Variants in KCNIP4 observed in about 807,000 individuals in gnomAD.
KCNIP4 encodes the protein potassium voltage-gated channel interacting protein 4, also known as Kv channel-interacting protein 4.
A neutral mutation model predicts 34.0 loss-of-function variants in KCNIP4; 12 were observed. The observed-to-expected ratio is 0.35, with a 90% confidence interval of 0.23 to 0.57. The LOEUF is 0.57. Among genes scored for constraint, KCNIP4 ranks in the 20% least tolerant of loss-of-function variants. The pLI, the probability that KCNIP4 is intolerant of heterozygous loss-of-function variation, is 0.83. For synonymous variants in KCNIP4, 124 were observed against 102.2 expected (o/e 1.21, Z -1.29); for missense variants, 238 against 311.7 (o/e 0.76, Z 1.78).
intron 1 of KCNIP4, among the ~76,000 whole-genome samples, chr4:21,529,973 CCACTATGTGGTAAA>C (rs951320325): frequency 1.3e-5 from 2 of 152,136 alleles, no homozygotes; most frequent in African/African-American, 4.8e-5. Context: ...TGTCATCATT[CCACTATGTGGTAAA>C]TAATAGCTAG....
At chr4:20,838,810 T>C (rs1275047312) in intron 3 of KCNIP4, among the ~76,000 whole-genome samples, 3 of 152,214 alleles carry the variant, frequency 2.0e-5, no homozygotes, top group Admixed American at 6.5e-5. Context: ...GGAGCTTTCT[T>C]ATAGGATTGT....
At chr4:21,377,642 T>C (rs1427216172) in intron 1 of KCNIP4, among the ~76,000 whole-genome samples, 1 of 152,214 alleles carries the variant, frequency 6.6e-6, no homozygotes, top group Non-Finnish European at 1.5e-5. Flanking sequence ...TTCTGCCTCA[T>C]TGCTGGTTGT....
At chr4:21,112,050 T>TATCTATCTATCTATCTATCTATCC (rs1442128634) in intron 1 of KCNIP4, among the ~76,000 whole-genome samples, 1,723 of 151,860 alleles carry the variant, frequency 0.011, 21 homozygotes, top group African/African-American at 0.022. Flanking sequence ...TCTATCTATC[T>TATCTATCTATCTATCTATCTATCC]ATCTATCTAT....
intron 1 of KCNIP4, among the ~76,000 whole-genome samples, chr4:21,310,650 G>C (rs1446036224): frequency 6.7e-6 from 1 of 150,154 alleles, no homozygotes; most frequent in African/African-American, 2.4e-5. Flanking sequence ...TTCTTTTTTT[G>C]AGACGGAATC....
intron 1 of KCNIP4, among the ~76,000 whole-genome samples, chr4:21,813,382 C>T (rs978634572): frequency 3.3e-5 from 5 of 152,084 alleles, no homozygotes; most frequent in African/African-American, 9.7e-5. Context: ...CTACCAACAA[C>T]ACAGAGAAAA....
intron 1 of KCNIP4, among the ~76,000 whole-genome samples, chr4:21,082,889 A>G (rs1401196378): frequency 2.0e-5 from 3 of 151,500 alleles, no homozygotes; most frequent in Non-Finnish European, 4.4e-5. Flanking sequence ...CTATCTATCT[A>G]TCTATCTATC....
chr4:21,213,750 T>C, intron 1 of KCNIP4, among the ~76,000 whole-genome samples: 1 of 152,290 alleles, frequency 6.6e-6, no homozygotes, highest in South Asian at 2.1e-4. Flanking sequence ...GTTTGGCCCA[T>C]GTATGGGCAA....
chr4:20,916,926 G>T (rs1728867412), intron 1 of KCNIP4, among the ~76,000 whole-genome samples: 1 of 141,940 alleles, frequency 7.0e-6, no homozygotes, highest in Admixed American at 7.3e-5. Context: ...CTCCCCTCCT[G>T]TCCTTTCCCT....
intron 1 of KCNIP4, among the ~76,000 whole-genome samples, chr4:21,243,771 A>G (rs1241836498): frequency 6.6e-6 from 1 of 152,220 alleles, no homozygotes; most frequent in Non-Finnish European, 1.5e-5. Flanking sequence ...TTGTCTGAGC[A>G]TAATATTACT....
intron 1 of KCNIP4, among the ~76,000 whole-genome samples, chr4:20,883,805 ATG>A (rs946559454): frequency 1.3e-5 from 2 of 152,150 alleles, no homozygotes; most frequent in African/African-American, 4.8e-5. Context: ...GCTAAAACTC[ATG>A]TGTGTGTGTA....
chr4:21,468,351 G>T (rs373596209), intron 1 of KCNIP4, among the ~76,000 whole-genome samples: 49 of 152,248 alleles, frequency 3.2e-4, no homozygotes, highest in East Asian at 2.3e-3. Flanking sequence ...AGGCAAGTAA[G>T]GGAACCCCTA....
intron 1 of KCNIP4, among the ~76,000 whole-genome samples, chr4:21,601,286 A>T (rs1743126487): frequency 6.6e-6 from 1 of 152,074 alleles, no homozygotes; most frequent in Non-Finnish European, 1.5e-5. Flanking sequence ...CAATTTCAAC[A>T]TCCATGCAAT....
At chr4:21,240,011 T>C (rs1417585225) in intron 1 of KCNIP4, among the ~76,000 whole-genome samples, 2 of 152,022 alleles carry the variant, frequency 1.3e-5, no homozygotes, top group South Asian at 2.1e-4. Flanking sequence ...TAAGCAAATG[T>C]GGCACATATA....
At chr4:21,038,529 T>C (rs1413879262) in intron 1 of KCNIP4, among the ~76,000 whole-genome samples, 1 of 152,032 alleles carries the variant, frequency 6.6e-6, no homozygotes, top group East Asian at 1.9e-4. Context: ...ACACAGATAC[T>C]TCCCAGTTCC....
At chr4:21,255,156 C>T (rs758937623) in intron 1 of KCNIP4, among the ~76,000 whole-genome samples, 6 of 151,996 alleles carry the variant, frequency 3.9e-5, no homozygotes, top group African/African-American at 1.2e-4. Flanking sequence ...TAGAGGGAGA[C>T]GAGGCCCTAC....
chr4:21,278,050 T>G (rs1762542940), intron 1 of KCNIP4, among the ~76,000 whole-genome samples: 1 of 152,148 alleles, frequency 6.6e-6, no homozygotes, highest in Admixed American at 6.5e-5. Context: ...AGGTCATGTG[T>G]GATGAGATTT....
At chr4:21,054,857 G>A (rs2108956985) in intron 1 of KCNIP4, among the ~76,000 whole-genome samples, 1 of 152,188 alleles carries the variant, frequency 6.6e-6, no homozygotes, top group Admixed American at 6.5e-5. Context: ...CTTGAGAATG[G>A]TAATGACATT....
chr4:21,258,193 C>T (rs1034563217), intron 1 of KCNIP4, among the ~76,000 whole-genome samples: 11 of 152,098 alleles, frequency 7.2e-5, no homozygotes, highest in Admixed American at 1.3e-4. Flanking sequence ...TATATGTAGG[C>T]AAAATCCCAT....
chr4:20,814,465 G>C (rs1716142650), intron 3 of KCNIP4, among the ~76,000 whole-genome samples: 1 of 152,126 alleles, frequency 6.6e-6, no homozygotes, highest in South Asian at 2.1e-4. Context: ...ACTTTAACCA[G>C]AGAGCAACAA....
Sources: allele counts gnomAD v4.1 joint callset (sites outside exome capture counted in the v4.1 genomes callset), GRCh38; gene constraint gnomAD v4.1.1; transcripts MANE v1.5; gene names NCBI Gene and HGNC (gene_info 2026-07-23, HGNC 2026-07-21).